Variants in SAXO1 observed in about 807,000 individuals in gnomAD.
SAXO1 encodes the protein stabilizer of axonemal microtubules 1, also known as 4930500O09Rik.
In SAXO1, 21 loss-of-function variants were observed where a neutral mutation model predicts 17.5. That is an observed-to-expected ratio of 1.20 (90% confidence interval 0.85 to 1.72). SAXO1 has a LOEUF of 1.72. Among genes scored for constraint, SAXO1 ranks in the 40% most tolerant of loss-of-function variants. SAXO1 has a pLI of 0.00. For synonymous variants in SAXO1, 274 were observed against 216.5 expected (o/e 1.27, Z -2.33); for missense variants, 843 against 596.0 (o/e 1.41, Z -4.32).
At chr9:18,957,289 T>C (rs373778897) in intron 1 of SAXO1, among the ~76,000 whole-genome samples, 1 of 152,152 alleles carries the variant, frequency 6.6e-6, no homozygotes. Flanking sequence ...GATAAAGCAA[T>C]AACGGTAATA....
At chr9:18,959,807 C>T (rs1018038838) in intron 1 of SAXO1, among the ~76,000 whole-genome samples, 11 of 151,440 alleles carry the variant, frequency 7.3e-5, no homozygotes, top group Non-Finnish European at 1.0e-4. Flanking sequence ...GTGTGTACAG[C>T]GTACTCTAGG....
intron 1 of SAXO1, among the ~76,000 whole-genome samples, chr9:19,042,373 G>A (rs757302497): frequency 2.0e-5 from 3 of 152,150 alleles, no homozygotes; most frequent in African/African-American, 7.2e-5. Context: ...CCACTATGGG[G>A]AACAGTTTAG....
At position 19,014,831 on chromosome 9, in the gene SAXO1, T is replaced by C. The variant is rs369211420; in HGVS notation, c.38+18040A>G. ...GGCTCTACATGAAAAATAAAGCCAG[T>C]GCTGCTGAGGGTCAGTGTTCCCTCT... On this transcript the variant is annotated intron_variant, in intron 1 of 3. Coordinates refer to ENST00000380534, the MANE Select transcript of SAXO1 (RefSeq NM_153707.4). 1.3e-4 allele frequency among the ~76,000 whole-genome samples: 20 copies of C among 152,238 alleles called. No homozygotes were observed. In the East Asian group the frequency reaches 3.9e-3, roughly 29 times the overall value.
At chr9:19,026,208 C>T (rs1372707143) in intron 1 of SAXO1, among the ~76,000 whole-genome samples, 1 of 152,128 alleles carries the variant, frequency 6.6e-6, no homozygotes, top group Admixed American at 6.6e-5. Flanking sequence ...CAAAATGTCA[C>T]TTGTACCCCA....
At chr9:19,032,815 T>C in intron 1 of SAXO1, 56 bp downstream of exon 1, 1 of 1,588,896 alleles carries the variant, frequency 6.3e-7, no homozygotes, top group Non-Finnish European at 8.6e-7. Flanking sequence ...CTTCCCTTCC[T>C]CGGGAGTCTG....
At chr9:18,954,215 C>G (rs903142342) in intron 1 of SAXO1, among the ~76,000 whole-genome samples, 1 of 152,106 alleles carries the variant, frequency 6.6e-6, no homozygotes, top group African/African-American at 2.4e-5. Context: ...CTTTCTGATA[C>G]TTGGAAAAGA....
intron 1 of SAXO1, among the ~76,000 whole-genome samples, chr9:18,971,815 T>C (rs942483103): frequency 6.6e-5 from 10 of 152,214 alleles, no homozygotes; most frequent in African/African-American, 2.4e-4. Flanking sequence ...TTTTTCAATA[T>C]ATTCTCACTG....
rs532502673 is a variant in SAXO1 at position 19,004,553 on chromosome 9, CATGT to C, written c.38+28314_38+28317del. Among the ~76,000 whole-genome samples the C allele has an allele frequency of 3.0e-3, 461 of 152,330 alleles. 8 individuals are homozygous for C. In the South Asian group the frequency reaches 0.045, roughly 15 times the overall value. On this transcript the variant is annotated intron_variant, in intron 1 of 3. Coordinates refer to ENST00000380534, the MANE Select transcript of SAXO1 (RefSeq NM_153707.4). ...ATGCAGCCATAAAAAAGGATGACTT[CATGT>C]CTTTTTCATGGACATGGATGAAGCT...
At chr9:18,968,661 G>A (rs940143038) in intron 1 of SAXO1, among the ~76,000 whole-genome samples, 1 of 150,726 alleles carries the variant, frequency 6.6e-6, no homozygotes, top group South Asian at 2.1e-4. Context: ...TGGTATGATC[G>A]CAGCTCACTG....
chr9:18,944,272 C>T (rs1831701794), intron 2 of SAXO1, among the ~76,000 whole-genome samples: 1 of 152,142 alleles, frequency 6.6e-6, no homozygotes, highest in Non-Finnish European at 1.5e-5. Flanking sequence ...TTATAACCTA[C>T]CCAAACATAG....
chr9:18,947,091 A>G (rs1419024904), intron 2 of SAXO1, among the ~76,000 whole-genome samples: 2 of 152,244 alleles, frequency 1.3e-5, no homozygotes, highest in Non-Finnish European at 2.9e-5. Context: ...AAAGGCTCTG[A>G]GATTGCCCAA....
chr9:18,950,897 T>C lies in SAXO1; in HGVS notation c.79A>G (p.Lys27Glu), dbSNP rs7021572. Residue 27 changes from lysine to glutamate, a missense_variant, in exon 2 of 4, where the codon AAA becomes GAA. By Grantham distance (56) the Lys-to-Glu change is moderately conservative. Transcript: ENST00000380534. ...GAGAGAAGACATGGTTTCTCTGTTT[T>C]ATCATAAATCTTGGTAGGGAGATGT... ...CPHLPTKIYD[K>E]TEKPCLLSEY... 0.65 allele frequency: 1,053,236 copies of C among 1,612,354 alleles called. 353,864 individuals are homozygous for C. Among genetic ancestry groups the C allele is most frequent in the Non-Finnish European group, 0.69 (814,434 of 1,179,014 alleles).
chr9:18,942,355 T>A (rs1831600952), intron 2 of SAXO1, among the ~76,000 whole-genome samples: 1 of 152,082 alleles, frequency 6.6e-6, no homozygotes, highest in South Asian at 2.1e-4. Context: ...TCTCTCACGA[T>A]CCCCACCCCA....
chr9:18,965,068 G>C (rs1202936990), intron 1 of SAXO1, among the ~76,000 whole-genome samples: 1 of 152,196 alleles, frequency 6.6e-6, no homozygotes, highest in Non-Finnish European at 1.5e-5. Flanking sequence ...GTGCAGTTTT[G>C]AGTGAGTTTC....
chr9:19,030,981 G>C (rs756136823), intron 1 of SAXO1, among the ~76,000 whole-genome samples: 26 of 152,214 alleles, frequency 1.7e-4, no homozygotes, highest in Non-Finnish European at 4.4e-5. Flanking sequence ...AGGATGAGGA[G>C]AGAAGAAAAG....
intron 1 of SAXO1, among the ~76,000 whole-genome samples, chr9:19,003,582 T>C (rs1195138285): frequency 6.6e-6 from 1 of 152,168 alleles, no homozygotes; most frequent in African/African-American, 2.4e-5. Context: ...GCCTCAGAAA[T>C]AACACTACAC....
chr9:19,020,450 C>T (rs1201238419), intron 1 of SAXO1, among the ~76,000 whole-genome samples: 1 of 151,912 alleles, frequency 6.6e-6, no homozygotes, highest in Non-Finnish European at 1.5e-5. Context: ...CTCCAAGGCT[C>T]AAGCCATCCT....
At chr9:18,975,470 C>T (rs762072825) in intron 1 of SAXO1, among the ~76,000 whole-genome samples, 9 of 152,154 alleles carry the variant, frequency 5.9e-5, no homozygotes, top group Non-Finnish European at 1.2e-4. Flanking sequence ...CCAATTGGCA[C>T]CTGAAATGGA....
intron 3 of SAXO1, among the ~76,000 whole-genome samples, chr9:18,940,308 T>G (rs1363768480): frequency 6.6e-6 from 1 of 152,176 alleles, no homozygotes; most frequent in Non-Finnish European, 1.5e-5. Context: ...AGTCAGTTCT[T>G]GTACTGCTGA....
Sources: gnomAD v4.1 joint callset for allele counts (sites outside exome capture counted in the v4.1 genomes callset) on GRCh38, gnomAD v4.1.1 for gene constraint, MANE v1.5 for transcripts, NCBI Gene and HGNC (gene_info 2026-07-23, HGNC 2026-07-21) for gene names.